ZFAND6: variants seen among roughly 807,000 people sequenced by gnomAD.
The protein encoded by ZFAND6 is zinc finger AN1-type containing 6, also known as AN1-type zinc finger protein 6.
A neutral mutation model predicts 24.5 loss-of-function variants in ZFAND6; 12 were observed. The observed-to-expected ratio is 0.49, with a 90% CI of 0.31 to 0.79. The LOEUF (loss-of-function observed/expected upper bound fraction) is 0.79, where lower values mean the gene tolerates loss of function less well. Among genes scored for constraint, ZFAND6 ranks in the 30% least tolerant of loss-of-function variants. The pLI is 0.04. For synonymous variants in ZFAND6, 92 were observed against 81.5 expected (o/e 1.13, Z -0.69); for missense variants, 207 against 245.9 (o/e 0.84, Z 1.06).
rs114896477 is a variant in ZFAND6 at position 80,112,377 on chromosome 15, T to C, written c.-17-7951T>C. ...AAGTGTTTTGTATCAAGTCATACTTTCTGATCTGTTGGCTTTATGAGCATT... is the reference window on the plus strand; with the variant it reads ...AAGTGTTTTGTATCAAGTCATACTTCCTGATCTGTTGGCTTTATGAGCATT... On this transcript the variant is annotated intron_variant, in intron 2 of 6. Transcript: ENST00000261749. Among the ~76,000 whole-genome samples, 576 of 152,332 alleles carry C rather than the reference T, an allele frequency of 3.8e-3. 6 individuals carry two copies. Among genetic ancestry groups the C allele is most frequent in the African/African-American group, 0.013 (537 of 41,586 alleles).
At chr15:80,101,855 C>T (rs941931832) in intron 2 of ZFAND6, among the ~76,000 whole-genome samples, 1 of 136,300 alleles carries the variant, frequency 7.3e-6, no homozygotes, top group Non-Finnish European at 1.5e-5. Context: ...TGCAGTGGTG[C>T]GATCTCGGCT....
chr15:80,126,114 A>T (rs1354991085), intron 5 of ZFAND6, among the ~76,000 whole-genome samples: 2 of 152,212 alleles, frequency 1.3e-5, no homozygotes, highest in Non-Finnish European at 2.9e-5. Context: ...TAGAGACCAT[A>T]TAGAGAGAGG....
intron 2 of ZFAND6, among the ~76,000 whole-genome samples, chr15:80,119,376 A>C (rs1001889634): frequency 7.2e-5 from 11 of 152,328 alleles, no homozygotes; most frequent in Non-Finnish European, 1.3e-4. Flanking sequence ...AAATCAGGGA[A>C]AAACACTAGC....
At chr15:80,073,176 T>G (rs182275756) in intron 1 of ZFAND6, 1 of 177,966 alleles carries the variant, frequency 5.6e-6, no homozygotes. Context: ...GCTTATAATT[T>G]TTAATATGCT....
chr15:80,128,492 GT>G (rs1345385528), intron 5 of ZFAND6, among the ~76,000 whole-genome samples: 1 of 152,208 alleles, frequency 6.6e-6, no homozygotes, highest in Admixed American at 6.5e-5. Flanking sequence ...TAGAAAGGTT[GT>G]TTGGAAGTTG....
chr15:80,101,013 CTGTT>C (rs1459298935), intron 2 of ZFAND6, among the ~76,000 whole-genome samples: 2 of 152,110 alleles, frequency 1.3e-5, no homozygotes, highest in East Asian at 3.8e-4. Flanking sequence ...ATTATTAAAC[CTGTT>C]TGTTCTTTGA....
intron 1 of ZFAND6, among the ~76,000 whole-genome samples, chr15:80,079,111 A>G (rs1356944657): frequency 6.9e-6 from 1 of 145,528 alleles, no homozygotes; most frequent in Non-Finnish European, 1.5e-5. Flanking sequence ...TCGTTTTTTA[A>G]TGGGATTATT....
At chr15:80,122,608 CTACT>C in intron 4 of ZFAND6, 88 bp from the exon 5 acceptor site, 1 of 743,284 alleles carries the variant, frequency 1.3e-6, no homozygotes, top group South Asian at 1.7e-5. Flanking sequence ...TCTTAATTAT[CTACT>C]TAGATATGTT....
At chr15:80,074,729 C>T (rs2037169416) in intron 1 of ZFAND6, among the ~76,000 whole-genome samples, 1 of 151,892 alleles carries the variant, frequency 6.6e-6, no homozygotes, top group Non-Finnish European at 1.5e-5. Context: ...TTCTGTTTGT[C>T]TTTAAGAGCA....
intron 6 of ZFAND6, among the ~76,000 whole-genome samples, chr15:80,134,735 G>A (rs2040777396): frequency 6.6e-6 from 1 of 152,188 alleles, no homozygotes; most frequent in Non-Finnish European, 1.5e-5. Flanking sequence ...ATTAACAGAA[G>A]ATGACTTGAT....
intron 1 of ZFAND6, among the ~76,000 whole-genome samples, chr15:80,066,439 A>G (rs1001640924): frequency 6.6e-6 from 1 of 151,714 alleles, no homozygotes; most frequent in African/African-American, 2.4e-5. Flanking sequence ...CAGCCTCCTG[A>G]GTAGCTGAGA....
chr15:80,080,869 G>C (rs2037623751), intron 1 of ZFAND6, among the ~76,000 whole-genome samples: 1 of 152,184 alleles, frequency 6.6e-6, no homozygotes, highest in Admixed American at 6.5e-5. Flanking sequence ...TAAGCAGCCA[G>C]ATCTTGTGAA....
intron 2 of ZFAND6, among the ~76,000 whole-genome samples, chr15:80,104,136 CT>C (rs1437197990): frequency 2.0e-5 from 3 of 152,068 alleles, no homozygotes; most frequent in African/African-American, 4.8e-5. Context: ...GCCACCGCCC[CT>C]GGCCGGATTT....
rs552188297 is a variant in ZFAND6, at chr15:80,081,905, G to A, written c.-180-16511G>A. ...GAAGTTCAAGTGGGAAGAAAGATAAGCCAAGATAATAAGAAAATTAGAAAA... is the reference window on the plus strand; with the variant it reads ...GAAGTTCAAGTGGGAAGAAAGATAAACCAAGATAATAAGAAAATTAGAAAA... On this transcript the variant is annotated intron_variant, in intron 1 of 6. Transcript: ENST00000261749. Among the ~76,000 whole-genome samples the A allele has an allele frequency of 3.8e-4, 58 of 152,272 alleles. 1 individual carries two copies. The South Asian group carries it at 0.012, about 32-fold the overall frequency.
chr15:80,128,867 G>A (rs2040478393), intron 5 of ZFAND6, among the ~76,000 whole-genome samples: 1 of 152,174 alleles, frequency 6.6e-6, no homozygotes, highest in African/African-American at 2.4e-5. Flanking sequence ...GTATTTGTAT[G>A]CATAGAAGAT....
At chr15:80,123,592 A>T (rs1567094190) in intron 5 of ZFAND6, among the ~76,000 whole-genome samples, 1 of 152,170 alleles carries the variant, frequency 6.6e-6, no homozygotes, top group Non-Finnish European at 1.5e-5. Context: ...TGCCAATCCT[A>T]GTTTAAGATG....
At chr15:80,060,508 C>T (rs180984801) in intron 1 of ZFAND6, 9 of 152,280 alleles carry the variant, frequency 5.9e-5, no homozygotes, top group Non-Finnish European at 1.0e-4. Context: ...TGCTAACTAT[C>T]CTACACAGTT....
chr15:80,134,275 C>G (rs934373839), intron 6 of ZFAND6, among the ~76,000 whole-genome samples: 2 of 152,210 alleles, frequency 1.3e-5, no homozygotes, highest in African/African-American at 2.4e-5. Context: ...CAGGCACGAG[C>G]CACAGCTCCT....
At chr15:80,103,673 A>G (rs1297594991) in intron 2 of ZFAND6, among the ~76,000 whole-genome samples, 1 of 152,188 alleles carries the variant, frequency 6.6e-6, no homozygotes, top group Non-Finnish European at 1.5e-5. Context: ...AACACCAAAA[A>G]TGAACTATTC....
Sources: allele counts gnomAD v4.1 joint callset (sites outside exome capture counted in the v4.1 genomes callset), GRCh38; gene constraint gnomAD v4.1.1; transcripts MANE v1.5; gene names NCBI Gene and HGNC (gene_info 2026-07-23, HGNC 2026-07-21).